Variants in ERG observed in about 807,000 individuals in gnomAD.
ERG encodes the protein ETS transcription factor ERG, also known as transcriptional regulator ERG.
ERG carries 9 observed loss-of-function variants against 55.3 expected under a neutral mutation model. The observed-to-expected ratio is 0.16, with a 90% CI of 0.10 to 0.28. The LOEUF (loss-of-function observed/expected upper bound fraction) is 0.28, where lower values mean the gene tolerates loss of function less well. Among genes scored for constraint, ERG ranks in the 10% least tolerant of loss-of-function variants. ERG has a pLI of 1.00. For missense variants in ERG, 434 were observed against 631.6 expected (o/e 0.69, Z 3.35); for synonymous variants, 223 against 237.3 (o/e 0.94, Z 0.55).
At chr21:38,524,402 A>C (rs959093212) in intron 2 of ERG, among the ~76,000 whole-genome samples, 1 of 152,222 alleles carries the variant, frequency 6.6e-6, no homozygotes, top group African/African-American at 2.4e-5. Context: ...GGAAAAAGTC[A>C]ACATCTTCCT....
At chr21:38,519,835 TAGGACTG>T (rs1030678425) in intron 2 of ERG, among the ~76,000 whole-genome samples, 3 of 152,130 alleles carry the variant, frequency 2.0e-5, no homozygotes, top group African/African-American at 7.2e-5. Context: ...ACAACTAGAT[TAGGACTG>T]AGACCCTAAC....
intron 1 of ERG, among the ~76,000 whole-genome samples, chr21:38,659,636 T>C (rs1310445238): frequency 1.3e-5 from 2 of 152,218 alleles, no homozygotes; most frequent in South Asian, 2.1e-4. Flanking sequence ...ACAAAAGCTA[T>C]AGAGACATGT....
intron 1 of ERG, among the ~76,000 whole-genome samples, chr21:38,615,723 G>GT (rs1387348818): frequency 4.4e-4 from 67 of 151,294 alleles, no homozygotes; most frequent in Non-Finnish European, 1.3e-4. Flanking sequence ...GCTGACAAAA[G>GT]GGTTTTTGAA....
chr21:38,390,560 G>A (rs1225427917), intron 9 of ERG, among the ~76,000 whole-genome samples: 4 of 152,172 alleles, frequency 2.6e-5, no homozygotes, highest in African/African-American at 9.7e-5. Flanking sequence ...GACACACACA[G>A]AGAGATGATG....
At chr21:38,493,989 C>T (rs1456068480) in intron 1 of ERG, among the ~76,000 whole-genome samples, 1 of 152,110 alleles carries the variant, frequency 6.6e-6, no homozygotes, top group Non-Finnish European at 1.5e-5. Context: ...CGCGGGGGGG[C>T]GTCTGATGGC....
chr21:38,532,426 A>G (rs2059679341), intron 2 of ERG, among the ~76,000 whole-genome samples: 1 of 152,108 alleles, frequency 6.6e-6, no homozygotes, highest in Admixed American at 6.5e-5. Flanking sequence ...AGTCACTACG[A>G]AAGTTACTTC....
chr21:38,565,232 G>A (rs2059915610), intron 2 of ERG, among the ~76,000 whole-genome samples: 1 of 152,140 alleles, frequency 6.6e-6, no homozygotes, highest in Non-Finnish European at 1.5e-5. Flanking sequence ...GCCTGGCAAT[G>A]GCCTCCTAAT....
At chr21:38,402,733 A>G in intron 4 of ERG, 96 bp from the exon 5 acceptor site, 2 of 792,176 alleles carry the variant, frequency 2.5e-6, no homozygotes, top group South Asian at 3.8e-5. Context: ...AAAAAAAAAG[A>G]AAGAAAAAGA....
chr21:38,460,152 G>C lies in ERG; in HGVS notation c.19-14531C>G, dbSNP rs1318034465. Among the ~76,000 whole-genome samples the C allele has an allele frequency of 1.3e-5, 2 of 152,192 alleles. No homozygotes were observed. Among genetic ancestry groups the C allele is most frequent in the African/African-American group, 2.4e-5 (1 of 41,444 alleles). On this transcript the variant is annotated intron_variant, in intron 1 of 9. Transcript: ENST00000288319. This position sits in a 1 kb window ranked among gnomAD's most constrained non-coding sequence, Gnocchi z 5.0. The stretch of plus-strand genomic sequence containing the variant: ...CTTGGCAACAGCTAGAACAAGGCCA[G>C]AGTGGACTGCGGGGGCTGCACGAGG...
chr21:38,656,885 C>A (rs1399198995), intron 1 of ERG, among the ~76,000 whole-genome samples: 1 of 152,128 alleles, frequency 6.6e-6, no homozygotes, highest in African/African-American at 2.4e-5. Flanking sequence ...AGAGAGACAG[C>A]TTTTCCCCCC....
In ERG at chr21:38,640,469, C is replaced by T. The variant is rs142951663; in HGVS notation, c.-150+21189G>A. On this transcript the variant is annotated intron_variant, in intron 1 of 10. Coordinates refer to the ERG transcript ENST00000398910. ...TAAATTGTAGCTCCCGTAACTTCAA[C>T]GTGTTGTGGGAGGGAGCCGGTGGGA... Among the ~76,000 whole-genome samples, 330 of 152,246 alleles carry T rather than the reference C, an allele frequency of 2.2e-3. 6 individuals carry two copies. The highest frequency in any genetic ancestry group is 0.018 in the Admixed American group (281 of 15,296).
intron 2 of ERG, among the ~76,000 whole-genome samples, chr21:38,559,201 G>A (rs1012992299): frequency 4.6e-5 from 7 of 152,048 alleles, no homozygotes; most frequent in African/African-American, 1.7e-4. Flanking sequence ...TCCTCCCAAA[G>A]TACTTTTTTT....
chr21:38,623,759 G>A (rs2060307761), intron 1 of ERG, among the ~76,000 whole-genome samples: 1 of 152,140 alleles, frequency 6.6e-6, no homozygotes, highest in Non-Finnish European at 1.5e-5. Flanking sequence ...CCCAGCAGGG[G>A]TCGAACTTAA....
chr21:38,375,412 G>A (rs935698366), downstream of ERG, among the ~76,000 whole-genome samples: 2 of 152,016 alleles, frequency 1.3e-5, no homozygotes, highest in Admixed American at 1.3e-4. Flanking sequence ...TCTCTCCAAG[G>A]GCAAGAACTC....
chr21:38,636,737 G>A (rs547704625), intron 1 of ERG, among the ~76,000 whole-genome samples: 13 of 152,218 alleles, frequency 8.5e-5, no homozygotes, highest in Non-Finnish European at 1.3e-4. Context: ...AAAAAGCTCC[G>A]TTCCCAACCC....
chr21:38,464,781 A>C lies in ERG; in HGVS notation c.19-19160T>G, dbSNP rs150806566. On this transcript the variant is annotated intron_variant, in intron 1 of 9. Coordinates refer to ENST00000288319, the MANE Select transcript of ERG (RefSeq NM_182918.4). Reference sequence around the variant, plus strand: ...CTCCTTGTGTCCATGTATTCTCTTGATCATCTCCCACTTATTAGTGAGAAC... The same window carrying C: ...CTCCTTGTGTCCATGTATTCTCTTGCTCATCTCCCACTTATTAGTGAGAAC... 7.4e-3 allele frequency among the ~76,000 whole-genome samples: 1,119 copies of C among 150,802 alleles called. 24 individuals are homozygous for C. Among genetic ancestry groups the C allele is most frequent in the Admixed American group, 0.043 (654 of 15,066 alleles).
At chr21:38,408,463 C>G (rs1320971034) in intron 3 of ERG, among the ~76,000 whole-genome samples, 2 of 152,216 alleles carry the variant, frequency 1.3e-5, no homozygotes, top group Non-Finnish European at 2.9e-5. Flanking sequence ...ACAGAGGAAA[C>G]ACTTAACAAA....
upstream of ERG, among the ~76,000 whole-genome samples, chr21:38,586,176 AATATATATATATATATATATATATAT>A (rs56413525): frequency 0.22 from 27,835 of 128,020 alleles, 3,880 homozygotes; most frequent in Middle Eastern, 0.33. Context: ...TATGTTTTGA[AATATATATATATATATATATATATAT>A]ATATATATAT....
intron 2 of ERG, among the ~76,000 whole-genome samples, chr21:38,552,723 C>G (rs1244871303): frequency 1.3e-5 from 2 of 151,486 alleles, no homozygotes; most frequent in East Asian, 3.9e-4. Flanking sequence ...CACAGCAACA[C>G]TGTACTGAAC....
Sources: allele counts gnomAD v4.1 joint callset (sites outside exome capture counted in the v4.1 genomes callset), GRCh38; gene constraint gnomAD v4.1.1; non-coding constraint Gnocchi (gnomAD v3.1); transcripts MANE v1.5; gene names NCBI Gene and HGNC (gene_info 2026-07-23, HGNC 2026-07-21).